The following KIN variants were observed in gnomAD, a reference collection of about 807,000 sequenced individuals.
KIN encodes Kin17 DNA and RNA binding protein.
In KIN, 47 loss-of-function variants were observed where a neutral mutation model predicts 63.0. That is an observed-to-expected ratio of 0.75 (90% CI 0.59 to 0.95). The LOEUF is 0.95. KIN is among the 40% of genes least tolerant of loss of function. The pLI is 0.00. For missense variants in KIN, 408 were observed against 460.9 expected, an observed-to-expected ratio of 0.89 and a Z score of 1.05; for synonymous variants, 160 against 157.7, an observed-to-expected ratio of 1.01 and a Z score of -0.11.
At chr10:7,763,372 GT>G (rs1835474674) in intron 10 of KIN, among the ~76,000 whole-genome samples, 1 of 152,166 alleles carries the variant, frequency 6.6e-6, no homozygotes. Flanking sequence ...TGGCATAAAA[GT>G]AATTGCAGTT....
intron 12 of KIN, among the ~76,000 whole-genome samples, chr10:7,758,092 T>C (rs1309737667): frequency 6.7e-6 from 1 of 150,286 alleles, no homozygotes; most frequent in Non-Finnish European, 1.5e-5. Context: ...TTTTTTTTTT[T>C]TGAGACGGAG....
intron 12 of KIN, 64 bp downstream of exon 12, chr10:7,759,825 TA>T (rs767035598): frequency 3.9e-5 from 32 of 826,390 alleles, no homozygotes; most frequent in Admixed American, 1.1e-4. Flanking sequence ...ACAATCCAAT[TA>T]AAAAAAACTA....
At chr10:7,765,970 TTTAG>T in intron 9 of KIN, 79 bp downstream of exon 9, 1 of 955,214 alleles carries the variant, frequency 1.0e-6, no homozygotes, top group Non-Finnish European at 1.6e-6. Flanking sequence ...GTTTGAAAAG[TTTAG>T]TTACTTATAC....
intron 5 of KIN, among the ~76,000 whole-genome samples, chr10:7,777,396 CTT>C (rs1835801405): frequency 6.6e-6 from 1 of 152,116 alleles, no homozygotes; most frequent in African/African-American, 2.4e-5. Flanking sequence ...AGTTCTATAT[CTT>C]TATCTGGGTG....
Position 7,762,437 on chromosome 10 carries a change from T to C in KIN, c.1018+20A>G, listed in dbSNP as rs1314625433. On this transcript the variant is annotated intron_variant, in intron 11 of 12. Coordinates refer to ENST00000379562, the MANE Select transcript of KIN (RefSeq NM_012311.4). ...TCATTTTGATGGCATATGTATTAAA[T>C]GGTCTGCAAACAGATTTACCTGGTG... 2.1e-6 allele frequency: 3 copies of C among 1,414,374 alleles called. No homozygotes were observed. Among genetic ancestry groups the C allele is most frequent in the Non-Finnish European group, 3.0e-6 (3 of 1,004,976 alleles). The allele number at this position is 1,414,374 out of a possible 1,614,324, so 87.6% of individuals were successfully genotyped here.
At chr10:7,773,085 T>TA (rs1166136708) in intron 7 of KIN, among the ~76,000 whole-genome samples, 1 of 152,172 alleles carries the variant, frequency 6.6e-6, no homozygotes, top group African/African-American at 2.4e-5. Flanking sequence ...ATGCTCGTCT[T>TA]AAATACTGGA....
At chr10:7,785,795 C>T (rs34689124) in intron 1 of KIN, among the ~76,000 whole-genome samples, 11,407 of 143,302 alleles carry the variant, frequency 0.08, 999 homozygotes, top group African/African-American at 0.22. Flanking sequence ...GCCTGTGAGA[C>T]AGGTGAGACT....
At chr10:7,775,654 T>G (rs1217973503) in intron 6 of KIN, 97 bp downstream of exon 6, 5 of 599,584 alleles carry the variant, frequency 8.3e-6, no homozygotes, top group Non-Finnish European at 1.4e-5. Flanking sequence ...ACACATTCGA[T>G]GTCTTATTCT....
intron 1 of KIN, among the ~76,000 whole-genome samples, 174 bp downstream of exon 1, chr10:7,787,646 G>A (rs1836052699): frequency 6.6e-6 from 1 of 152,208 alleles, no homozygotes; most frequent in African/African-American, 2.4e-5. Flanking sequence ...GGGGGCTGCG[G>A]GGAGGGACGG....
intron 10 of KIN, 91 bp from the exon 11 acceptor site, chr10:7,762,647 A>T: frequency 1.6e-6 from 1 of 626,900 alleles, no homozygotes; most frequent in Non-Finnish European, 2.7e-6. Context: ...GACAAATAAA[A>T]TATCAATCAA....
At position 7,756,134 on chromosome 10, in the gene KIN, T is replaced by C. The variant is rs770535756; in HGVS notation, c.1128A>G (p.Leu376=). ...SATIVIETGP[L]KGRRVEGIQY... ...GAATTCCTTCAACTCTGCGTCCTTT[T>C]AAAGGGCCCTACAAATTAAAATAAT... The change falls in exon 13 of 13, where the codon TTA becomes TTG. Residue 376 remains leucine, a synonymous_variant. Transcript: ENST00000379562. 5 of 1,573,670 alleles carry C rather than the reference T, an allele frequency of 3.2e-6. No homozygotes were observed. Among genetic ancestry groups the C allele is most frequent in the East Asian group, 2.3e-5 (1 of 44,228 alleles).
chr10:7,779,990 C>A, intron 4 of KIN, 66 bp downstream of exon 4: 1 of 1,535,596 alleles, frequency 6.5e-7, no homozygotes, highest in Non-Finnish European at 8.9e-7. Context: ...TTTCTTATCC[C>A]AAACATCTCA....
At chr10:7,781,086 A>G (rs974069260) in intron 2 of KIN, among the ~76,000 whole-genome samples, 2 of 152,228 alleles carry the variant, frequency 1.3e-5, no homozygotes, top group African/African-American at 4.8e-5. Flanking sequence ...GGAGGTTACA[A>G]TCTAGCATAA....
At chr10:7,766,822 G>C (rs1390936750) in intron 8 of KIN, among the ~76,000 whole-genome samples, 1 of 152,038 alleles carries the variant, frequency 6.6e-6, no homozygotes, top group East Asian at 1.9e-4. Context: ...AGGAGTTTGA[G>C]ACTAGCCTGG....
intron 5 of KIN, among the ~76,000 whole-genome samples, chr10:7,776,751 A>G (rs1835784693): frequency 6.6e-5 from 10 of 150,624 alleles, no homozygotes; most frequent in Admixed American, 6.6e-4. Flanking sequence ...AAAAAAAGAA[A>G]AGAAATTACA....
Position 7,762,566 on chromosome 10 carries a change from A to T in KIN, c.919-10T>A. ...ATTTGTCAATTACTTCCTGTCATGT[A>T]AAATGAACACTTTTATAATAGAAGA... On this transcript the variant is annotated splice_polypyrimidine_tract_variant and intron_variant, in intron 10 of 12. Transcript: ENST00000379562. 1.3e-6 allele frequency: 2 copies of T among 1,493,978 alleles called. No individual in the cohort carries two copies. The highest frequency in any genetic ancestry group is 2.3e-5 in the South Asian group (2 of 86,702). 92.5% of individuals were successfully genotyped at this position (1,493,978 alleles called of 1,614,324 possible).
chr10:7,753,928 A>C lies in KIN; in HGVS notation c.*2152T>G. 2.5e-6 allele frequency: 1 copy of C among 393,268 alleles called. No individual in the cohort carries two copies. Among genetic ancestry groups the C allele is most frequent in the South Asian group, 1.8e-5 (1 of 54,216 alleles). 24.4% of individuals were successfully genotyped at this position (393,268 alleles called of 1,614,324 possible). On this transcript the variant is annotated 3_prime_UTR_variant, in exon 13 of 13. Coordinates refer to ENST00000379562, the MANE Select transcript of KIN (RefSeq NM_012311.4). ...CTCCCTGACTCTCAGTTAAAGAGAG[A>C]GATCCCAGGGTTTGGCACCATACCT...
chr10:7,783,247 T>A, intron 1 of KIN, 72 bp from the exon 2 acceptor site: 1 of 689,966 alleles, frequency 1.4e-6, no homozygotes, highest in Non-Finnish European at 2.3e-6. Flanking sequence ...AGTATTTAGT[T>A]AAAACCCAAA....
At chr10:7,774,397 T>C (rs17142981) in intron 7 of KIN, among the ~76,000 whole-genome samples, 6,406 of 152,268 alleles carry the variant, frequency 0.042, 281 homozygotes, top group East Asian at 0.24. Context: ...AACAGTTTTA[T>C]ATAGCGAATA....
Sources: gnomAD v4.1 joint callset for allele counts (sites outside exome capture counted in the v4.1 genomes callset) on GRCh38, gnomAD v4.1.1 for gene constraint, MANE v1.5 for transcripts, NCBI Gene and HGNC (gene_info 2026-07-23, HGNC 2026-07-21) for gene names.